EMSY: variants seen among roughly 807,000 people sequenced by gnomAD.
The protein encoded by EMSY is EMSY transcriptional repressor, BRCA2 interacting.
A neutral mutation model predicts 134.6 loss-of-function variants in EMSY; 26 were observed. The ratio of observed to expected loss-of-function variants is 0.19; its 90% confidence interval spans 0.14 to 0.27. The LOEUF is 0.27. EMSY is among the 10% of genes least tolerant of loss of function. The probability of loss-of-function intolerance (pLI) is 1.00; values close to 1 mark genes in which losing one functional copy is unlikely to be tolerated. For synonymous variants in EMSY, 579 were observed against 577.8 expected (o/e 1.00, Z -0.03); for missense variants, 1,305 against 1,611.4 (o/e 0.81, Z 3.26).
At chr11:76,508,145 G>A (rs899744664) in intron 9 of EMSY, among the ~76,000 whole-genome samples, 1 of 152,030 alleles carries the variant, frequency 6.6e-6, no homozygotes, top group African/African-American at 2.4e-5. Flanking sequence ...TGCTGGGACT[G>A]CAGGCATGAG....
chr11:76,513,338 T>C, intron 9 of EMSY, 48 bp from the exon 11 acceptor site: 4 of 1,592,590 alleles, frequency 2.5e-6, no homozygotes, highest in Non-Finnish European at 3.4e-6. Context: ...ATAAGGGACA[T>C]GTATTTAAAA....
At chr11:76,518,242 G>A (rs1565339499) in intron 11 of EMSY, among the ~76,000 whole-genome samples, 1 of 141,560 alleles carries the variant, frequency 7.1e-6, no homozygotes, top group Non-Finnish European at 1.5e-5. Context: ...TGATTGGCTT[G>A]TTACAGCGTC....
At chr11:76,446,390 G>A (rs1947411169) in intron 1 of EMSY, among the ~76,000 whole-genome samples, 1 of 113,112 alleles carries the variant, frequency 8.8e-6, no homozygotes, top group East Asian at 2.1e-4. Flanking sequence ...TTTAGTATAT[G>A]TGTTGCTGAA....
At chr11:76,456,663 G>A (rs896894449) in intron 4 of EMSY, among the ~76,000 whole-genome samples, 2 of 152,128 alleles carry the variant, frequency 1.3e-5, no homozygotes, top group African/African-American at 2.4e-5. Context: ...AAATTTGTGA[G>A]TGTTACTGAA....
Position 76,451,768 on chromosome 11 carries a change from T to G in EMSY, c.71-90T>G, listed in dbSNP as rs558165996. ...AAACAATATTTTTATTTAATTATTTTTAGTTTTTTTGCCCTGAAGTTTCAC... is the reference window on the plus strand; with the variant it reads ...AAACAATATTTTTATTTAATTATTTGTAGTTTTTTTGCCCTGAAGTTTCAC... On this transcript the variant is annotated intron_variant, in intron 2 of 20. Coordinates refer to ENST00000334736, the Ensembl canonical transcript of EMSY. 179 of 592,780 alleles carry G rather than the reference T, an allele frequency of 3.0e-4. 2 individuals carry two copies. In the South Asian group the frequency reaches 6.1e-3, roughly 20 times the overall value. The allele number at this position is 592,780 out of a possible 1,614,324, so 36.7% of individuals were successfully genotyped here. A position where few individuals can be genotyped will look rare whatever the true frequency, so the allele number is the denominator to read the frequency against.
chr11:76,546,024 A>G, exon 20 of EMSY: 1 of 1,614,188 alleles, frequency 6.2e-7, no homozygotes, highest in East Asian at 2.2e-5. Flanking sequence ...AACATATGAT[A>G]GTGGATCCCC....
At chr11:76,452,705 G>A (rs1277785752) in intron 3 of EMSY, among the ~76,000 whole-genome samples, 1 of 152,026 alleles carries the variant, frequency 6.6e-6, no homozygotes, top group Admixed American at 6.6e-5. Flanking sequence ...TGTTTAATCA[G>A]GATTAATATA....
At chr11:76,470,702 C>T (rs1056543686) in intron 7 of EMSY, among the ~76,000 whole-genome samples, 2 of 152,090 alleles carry the variant, frequency 1.3e-5, no homozygotes, top group African/African-American at 4.8e-5. Flanking sequence ...TTAAAATATA[C>T]ATCAAATTTT....
intron 8 of EMSY, among the ~76,000 whole-genome samples, chr11:76,490,400 T>G (rs1949371863): frequency 1.3e-5 from 2 of 152,158 alleles, no homozygotes; most frequent in Non-Finnish European, 2.9e-5. Flanking sequence ...ATAAAAAATG[T>G]CTCCAGTGAT....
At chr11:76,450,717 CCT>C (rs1489004097) in intron 2 of EMSY, among the ~76,000 whole-genome samples, 1 of 151,542 alleles carries the variant, frequency 6.6e-6, no homozygotes, top group African/African-American at 2.4e-5. Context: ...GTGTTGAACT[CCT>C]GAGCTCAAGC....
intron 8 of EMSY, among the ~76,000 whole-genome samples, chr11:76,494,262 T>A (rs963041253): frequency 6.6e-6 from 1 of 152,096 alleles, no homozygotes; most frequent in African/African-American, 2.4e-5. Context: ...AATACTCAGG[T>A]AGAAGGTGCC....
chr11:76,453,554 G>A, intron 4 of EMSY, 166 bp downstream of exon 4: 2 of 542,266 alleles, frequency 3.7e-6, no homozygotes, highest in Non-Finnish European at 5.9e-6. Flanking sequence ...TGTTTATTCA[G>A]TTGGGTTTTT....
intron 8 of EMSY, among the ~76,000 whole-genome samples, chr11:76,485,961 T>C (rs545418929): frequency 1.2e-4 from 18 of 152,310 alleles, no homozygotes; most frequent in Admixed American, 1.2e-3. Context: ...TGTATGTTTA[T>C]TGCAGCCCTG....
chr11:76,470,241 C>T (rs773037917), intron 7 of EMSY, among the ~76,000 whole-genome samples: 8 of 152,050 alleles, frequency 5.3e-5, no homozygotes, highest in Non-Finnish European at 7.4e-5. Flanking sequence ...TTTTTCAAAA[C>T]AGTTTTTCTT....
Position 76,466,371 on chromosome 11 carries a change from T to C in EMSY, c.831+2291T>C, listed in dbSNP as rs141467456. 5.0e-3 allele frequency among the ~76,000 whole-genome samples: 766 copies of C among 152,334 alleles called. 5 individuals carry two copies. Among genetic ancestry groups the C allele is most frequent in the African/African-American group, 0.017 (716 of 41,564 alleles). On this transcript the variant is annotated intron_variant, in intron 7 of 20. Transcript: ENST00000334736. ...GTTACTCTTTACTGCCTTAGGTTTTTACACTCTTAGATATGCTTAATCCAT... is the reference window on the plus strand; with the variant it reads ...GTTACTCTTTACTGCCTTAGGTTTTCACACTCTTAGATATGCTTAATCCAT...
chr11:76,526,626 G>C, exon 13 of EMSY: 1 of 1,612,280 alleles, frequency 6.2e-7, no homozygotes. Flanking sequence ...GGCAGCAAGG[G>C]AAAACGCAGG....
chr11:76,454,314 A>C (rs2134901672), intron 4 of EMSY, among the ~76,000 whole-genome samples: 1 of 152,234 alleles, frequency 6.6e-6, no homozygotes, highest in South Asian at 2.1e-4. Flanking sequence ...TACCTTTTCA[A>C]CAACGTAGTT....
chr11:76,520,431 AGAGGTCTGTAT>A (rs1456337097), intron 11 of EMSY, among the ~76,000 whole-genome samples: 2 of 152,212 alleles, frequency 1.3e-5, no homozygotes, highest in African/African-American at 4.8e-5. Context: ...TCATGTCAAA[AGAGGTCTGTAT>A]GAAACCATGT....
chr11:76,540,289 AT>A (rs1294304206), intron 17 of EMSY, among the ~76,000 whole-genome samples: 2 of 152,144 alleles, frequency 1.3e-5, no homozygotes, highest in African/African-American at 4.8e-5. Context: ...CATTTAAAAA[AT>A]ATTAATTTGC....
Sources: gnomAD v4.1 joint callset for allele counts (sites outside exome capture counted in the v4.1 genomes callset) on GRCh38, gnomAD v4.1.1 for gene constraint, MANE v1.5 for transcripts, NCBI Gene and HGNC (gene_info 2026-07-23, HGNC 2026-07-21) for gene names.